PRIM2: variants seen among roughly 807,000 people sequenced by gnomAD.
PRIM2 encodes the protein DNA primase large subunit.
Under a neutral mutation model 67.3 loss-of-function variants are expected in PRIM2, and 39 were observed. The ratio of observed to expected loss-of-function variants is 0.58; its 90% CI spans 0.45 to 0.76. The LOEUF (loss-of-function observed/expected upper bound fraction) is 0.76. Ranked by LOEUF, PRIM2 falls within the 30% of genes least tolerant of loss-of-function variation. The probability of loss-of-function intolerance (pLI) is 0.00; values close to 1 mark genes in which losing one functional copy is unlikely to be tolerated. For synonymous variants in PRIM2, 143 were observed against 198.7 expected, an observed-to-expected ratio of 0.72 and a Z score of 2.36; for missense variants, 398 against 598.7, an observed-to-expected ratio of 0.66 and a Z score of 3.50.
the PRIM2 span, among the ~76,000 whole-genome samples, chr6:57,280,595 C>T: frequency 3.3e-5 from 5 of 152,142 alleles, no homozygotes; most frequent in South Asian, 2.1e-4. Context: ...CTGCAACCTC[C>T]GCCTCCCAGG....
At chr6:57,497,416 T>G (rs1234728720) in intron 7 of PRIM2, 1 of 152,190 alleles carries the variant, frequency 6.6e-6, no homozygotes, top group Non-Finnish European at 1.5e-5. Flanking sequence ...GTAGGGTGCT[T>G]AGGTTAGCCT....
At chr6:57,249,431 C>T in the PRIM2 span, among the ~76,000 whole-genome samples, 1 of 152,054 alleles carries the variant, frequency 6.6e-6, no homozygotes, top group African/African-American at 2.4e-5. Flanking sequence ...TATAGGTTAT[C>T]TAATGTGACA....
At chr6:57,590,165 A>T (rs1258158011) in intron 10 of PRIM2, among the ~76,000 whole-genome samples, 1 of 152,204 alleles carries the variant, frequency 6.6e-6, no homozygotes, top group Non-Finnish European at 1.5e-5. Context: ...ATGGACATTT[A>T]TCTGGAGCAC....
chr6:57,237,870 T>C, the PRIM2 span, among the ~76,000 whole-genome samples: 7 of 152,320 alleles, frequency 4.6e-5, no homozygotes, highest in Admixed American at 3.3e-4. Flanking sequence ...GCTTTGTTCT[T>C]TTGGCTTAGG....
At chr6:57,625,735 C>G (rs1336048869) in intron 12 of PRIM2, among the ~76,000 whole-genome samples, 1 of 152,130 alleles carries the variant, frequency 6.6e-6, no homozygotes, top group Non-Finnish European at 1.5e-5. Flanking sequence ...ACTCAGATAA[C>G]TTTGTTTATA....
At chr6:57,539,647 TG>T (rs1775098607) in intron 10 of PRIM2, among the ~76,000 whole-genome samples, 14 of 72,312 alleles carry the variant, frequency 1.9e-4, no homozygotes, top group African/African-American at 8.5e-4. Context: ...TGTGTGTGTG[TG>T]TGTGTGTGTA....
At chr6:57,249,030 C>T in the PRIM2 span, among the ~76,000 whole-genome samples, 1 of 152,188 alleles carries the variant, frequency 6.6e-6, no homozygotes, top group Non-Finnish European at 1.5e-5. Context: ...CTTTGGAAAC[C>T]ACGTTAATAT....
At position 57,645,556 on chromosome 6, in the gene PRIM2, T is replaced by C. The variant is rs1237363633; in HGVS notation, c.1300-372T>C. The stretch of plus-strand genomic sequence containing the variant: ...TCTAGTATGCCCCAAGGATGAATGG[T>C]GATACCAATCACTGAGAGCAAAGGA... On this transcript the variant is annotated intron_variant, in intron 13 of 13. Transcript: ENST00000615550. Among the ~76,000 whole-genome samples the C allele has an allele frequency of 2.7e-5, 4 of 150,522 alleles. No homozygotes were observed. In the East Asian group the frequency reaches 7.8e-4, roughly 29 times the overall value.
intron 7 of PRIM2, among the ~76,000 whole-genome samples, chr6:57,462,087 G>A (rs1040074573): frequency 1.3e-5 from 2 of 152,168 alleles, no homozygotes; most frequent in Non-Finnish European, 2.9e-5. Context: ...TCTTTATGAT[G>A]GTGATGAAGA....
chr6:57,481,137 A>G (rs1430403549), intron 7 of PRIM2, among the ~76,000 whole-genome samples: 6 of 152,206 alleles, frequency 3.9e-5, no homozygotes, highest in African/African-American at 1.4e-4. Context: ...CACTGGTACA[A>G]TATGTGTTCA....
At chr6:57,306,702 T>C in the PRIM2 span, among the ~76,000 whole-genome samples, 2 of 152,186 alleles carry the variant, frequency 1.3e-5, no homozygotes, top group African/African-American at 4.8e-5. Context: ...GTCTTGGGTC[T>C]AATAGGGAGA....
chr6:57,430,447 G>GTTTTTTTTTTTTTTTTTTTTTTTTT (rs71687266), intron 7 of PRIM2, among the ~76,000 whole-genome samples: 1 of 78,136 alleles, frequency 1.3e-5, no homozygotes, highest in African/African-American at 4.1e-5. Flanking sequence ...TTCTTTCTTT[G>GTTTTTTTTTTTTTTTTTTTTTTTTT]TTTTTTTTTT....
At chr6:57,452,660 G>A (rs1446672621) in intron 7 of PRIM2, among the ~76,000 whole-genome samples, 1 of 152,160 alleles carries the variant, frequency 6.6e-6, no homozygotes, top group Admixed American at 6.5e-5. Context: ...ATTTGTTTGA[G>A]TTCATCGTAG....
intron 10 of PRIM2, among the ~76,000 whole-genome samples, chr6:57,544,744 A>G (rs1775250739): frequency 6.6e-6 from 1 of 152,228 alleles, no homozygotes; most frequent in Admixed American, 6.5e-5. Flanking sequence ...TGTAAACTAT[A>G]TAAAAGCAGG....
chr6:57,245,873 A>G, the PRIM2 span, among the ~76,000 whole-genome samples: 2 of 152,250 alleles, frequency 1.3e-5, no homozygotes, highest in Non-Finnish European at 2.9e-5. Flanking sequence ...AAATGGCAGC[A>G]CAATGAATTT....
chr6:57,620,598 C>G (rs1280788492), intron 12 of PRIM2, among the ~76,000 whole-genome samples: 1 of 152,104 alleles, frequency 6.6e-6, no homozygotes, highest in Non-Finnish European at 1.5e-5. Flanking sequence ...GGAAACTCAT[C>G]AAAACAGAAT....
intron 12 of PRIM2, among the ~76,000 whole-genome samples, chr6:57,612,067 T>A (rs1170480723): frequency 6.6e-5 from 10 of 152,048 alleles, no homozygotes; most frequent in African/African-American, 2.4e-4. Flanking sequence ...TGGTCTAATT[T>A]AAAAAAATCT....
chr6:57,407,725 T>A (rs569049437), intron 7 of PRIM2, among the ~76,000 whole-genome samples: 1 of 152,242 alleles, frequency 6.6e-6, no homozygotes, highest in Non-Finnish European at 1.5e-5. Context: ...TCATGTGGCA[T>A]TAAATCATTC....
chr6:57,621,281 C>T (rs1776848957), intron 12 of PRIM2, among the ~76,000 whole-genome samples: 1 of 152,106 alleles, frequency 6.6e-6, no homozygotes, highest in Non-Finnish European at 1.5e-5. Flanking sequence ...CCAAATGCCA[C>T]CTGAAGCTGC....
Sources: gnomAD v4.1 joint callset for allele counts (sites outside exome capture counted in the v4.1 genomes callset) on GRCh38, gnomAD v4.1.1 for gene constraint, MANE v1.5 for transcripts, NCBI Gene and HGNC (gene_info 2026-07-23, HGNC 2026-07-21) for gene names.